PRKAR1A: variants seen among roughly 807,000 people sequenced by gnomAD.
PRKAR1A encodes cAMP-dependent protein kinase type I-alpha regulatory subunit.
Under a neutral mutation model 52.0 loss-of-function variants are expected in PRKAR1A, and 3 were observed. The ratio of observed to expected loss-of-function variants is 0.06; its 90% confidence interval spans 0.03 to 0.15. The LOEUF (loss-of-function observed/expected upper bound fraction) is 0.15. Among genes scored for constraint, PRKAR1A ranks in the 10% least tolerant of loss-of-function variants. The pLI, the probability that PRKAR1A is intolerant of heterozygous loss-of-function variation, is 1.00. For missense variants in PRKAR1A, 240 were observed against 477.4 expected (o/e 0.50, Z 4.63); for synonymous variants, 188 against 168.4 (o/e 1.12, Z -0.90).
Position 68,532,139 on chromosome 17 carries a change from A to C in PRKAR1A, c.*1690A>C. 1 of 1,056,658 alleles carries C rather than the reference A, an allele frequency of 9.5e-7. No individual in the cohort carries two copies. Among genetic ancestry groups the C allele is most frequent in the Non-Finnish European group, 1.1e-6 (1 of 871,222 alleles). The allele number at this position is 1,056,658 out of a possible 1,614,324, so 65.5% of individuals were successfully genotyped here. A position where few individuals can be genotyped will look rare whatever the true frequency, so the allele number is the denominator to read the frequency against. On this transcript the variant is annotated 3_prime_UTR_variant, in exon 11 of 11. Coordinates refer to ENST00000589228, the MANE Select transcript of PRKAR1A (RefSeq NM_002734.5). ...CCTTGTTACAAATTTTTTAATTTCC[A>C]AAATAATCTATATTAAATGAGGGTT...
the PRKAR1A span, chr17:68,457,521 GCCCCTA>G: frequency 3.5e-5 from 21 of 600,000 alleles, no homozygotes; most frequent in East Asian, 1.5e-4. Context: ...GTCCTGCCCC[GCCCCTA>G]CCCCGCCCCG....
the PRKAR1A span, chr17:68,421,667 GC>G: frequency 5.3e-6 from 8 of 1,511,156 alleles, no homozygotes; most frequent in Admixed American, 6.7e-5. Context: ...CGGGATTCCT[GC>G]CCCCCTTTCT....
At chr17:68,449,136 T>C in the PRKAR1A span, among the ~76,000 whole-genome samples, 1 of 152,232 alleles carries the variant, frequency 6.6e-6, no homozygotes, top group Admixed American at 6.5e-5. Context: ...GAAGAAAACA[T>C]TGTCCTCAAT....
chr17:68,550,827 CA>C (rs2086802597), intron 11 of PRKAR1A, among the ~76,000 whole-genome samples: 1 of 152,212 alleles, frequency 6.6e-6, no homozygotes. Flanking sequence ...ATCTAACATG[CA>C]GCTGATCCAC....
the PRKAR1A span, chr17:68,444,559 A>C: frequency 6.2e-6 from 10 of 1,614,012 alleles, no homozygotes; most frequent in Non-Finnish European, 8.5e-6. Context: ...TTGTGAATAT[A>C]AATGGACTCT....
chr17:68,460,599 A>G, the PRKAR1A span, among the ~76,000 whole-genome samples: 1 of 152,230 alleles, frequency 6.6e-6, no homozygotes, highest in Admixed American at 6.5e-5. Flanking sequence ...TGGAAATAAC[A>G]TCTCAGGGCT....
Position 68,532,169 on chromosome 17 carries a change from A to G in PRKAR1A, c.*1720A>G, listed in dbSNP as rs1264744321. The G allele has an allele frequency of 1.9e-6, 2 of 1,048,660 alleles. No individual in the cohort carries two copies. Among genetic ancestry groups the G allele is most frequent in the Admixed American group, 5.3e-5 (1 of 18,724 alleles). 65.0% of individuals were successfully genotyped at this position (1,048,660 alleles called of 1,614,324 possible). A position where few individuals can be genotyped will look rare whatever the true frequency, so the allele number is the denominator to read the frequency against. On this transcript the variant is annotated 3_prime_UTR_variant, in exon 11 of 11. Transcript: ENST00000589228. ...AATCTATATTAAATGAGGGTTTCTG[A>G]TCTGTACTTTGTGTTTAGCTACCTT...
At chr17:68,502,451 A>T in the PRKAR1A span, among the ~76,000 whole-genome samples, 1 of 152,166 alleles carries the variant, frequency 6.6e-6, no homozygotes, top group African/African-American at 2.4e-5. Context: ...CAACTCAATT[A>T]AAAAATGGCT....
the PRKAR1A span, among the ~76,000 whole-genome samples, chr17:68,466,832 C>T: frequency 4.6e-4 from 70 of 152,288 alleles, no homozygotes; most frequent in South Asian, 0.015. Context: ...AGTGCGTTCA[C>T]AAGGTTGTGC....
At chr17:68,503,545 A>G in the PRKAR1A span, among the ~76,000 whole-genome samples, 1 of 152,246 alleles carries the variant, frequency 6.6e-6, no homozygotes, top group Admixed American at 6.5e-5. Flanking sequence ...AAAGACAAGG[A>G]GGAATCTTAA....
chr17:68,457,733 C>T, the PRKAR1A span, among the ~76,000 whole-genome samples: 1 of 152,094 alleles, frequency 6.6e-6, no homozygotes, highest in Non-Finnish European at 1.5e-5. Flanking sequence ...GGCACCGCCC[C>T]CCTTGGCCAA....
the PRKAR1A span, among the ~76,000 whole-genome samples, chr17:68,472,399 G>C: frequency 6.6e-6 from 1 of 152,090 alleles, no homozygotes; most frequent in Non-Finnish European, 1.5e-5. Context: ...TCCTGCTCCG[G>C]GCGTGTGAGT....
At chr17:68,452,803 G>A in the PRKAR1A span, 4 of 956,268 alleles carry the variant, frequency 4.2e-6, no homozygotes, top group East Asian at 7.5e-5. Flanking sequence ...TAAGTTTGAT[G>A]GCTAAGGAAG....
the PRKAR1A span, among the ~76,000 whole-genome samples, chr17:68,484,578 T>G: frequency 6.6e-6 from 1 of 152,162 alleles, no homozygotes; most frequent in Non-Finnish European, 1.5e-5. Flanking sequence ...ATTATAATGT[T>G]AAATAAGAGT....
At chr17:68,442,073 T>C in the PRKAR1A span, among the ~76,000 whole-genome samples, 2 of 152,216 alleles carry the variant, frequency 1.3e-5, no homozygotes, top group Non-Finnish European at 2.9e-5. Flanking sequence ...AGCCCTGCAC[T>C]TTTAAACCTT....
At chr17:68,513,847 C>T (rs2085347118) in intron 1 of PRKAR1A, among the ~76,000 whole-genome samples, 1 of 152,148 alleles carries the variant, frequency 6.6e-6, no homozygotes, top group South Asian at 2.1e-4. Context: ...CTCATCTCTA[C>T]CAGCCAAAGA....
At chr17:68,513,132 C>G (rs934070099) in intron 1 of PRKAR1A, 3 of 13,564 alleles carry the variant, frequency 2.2e-4, no homozygotes, top group African/African-American at 1.7e-3. Context: ...CCAATTTTGC[C>G]CCCCTGAGGC....
chr17:68,421,115 G>C, the PRKAR1A span: 1 of 154,556 alleles, frequency 6.5e-6, no homozygotes, highest in Admixed American at 6.4e-5. Flanking sequence ...ACCAAAGTTA[G>C]GTCGTTTTCC....
At chr17:68,439,210 T>C in the PRKAR1A span, among the ~76,000 whole-genome samples, 1 of 152,128 alleles carries the variant, frequency 6.6e-6, no homozygotes, top group African/African-American at 2.4e-5. Context: ...TATTCATAAG[T>C]CAAAAAGTGG....
Sources: gnomAD v4.1 joint callset for allele counts (sites outside exome capture counted in the v4.1 genomes callset) on GRCh38, gnomAD v4.1.1 for gene constraint, MANE v1.5 for transcripts, NCBI Gene and HGNC (gene_info 2026-07-23, HGNC 2026-07-21) for gene names.